The following LINGO1 variants were observed in gnomAD, a reference collection of about 807,000 sequenced individuals.
LINGO1 encodes the protein leucine rich repeat and Ig domain containing 1.
Under a neutral mutation model 37.3 loss-of-function variants are expected in LINGO1, and 11 were observed. The ratio of observed to expected loss-of-function variants is 0.29; its 90% CI spans 0.19 to 0.49. The LOEUF (loss-of-function observed/expected upper bound fraction) is 0.49, where lower values mean the gene tolerates loss of function less well. Among genes scored for constraint, LINGO1 ranks in the 20% least tolerant of loss-of-function variants. The pLI is 0.99. For missense variants in LINGO1, 585 were observed against 878.2 expected (o/e 0.67, Z 4.22); for synonymous variants, 387 against 403.0 (o/e 0.96, Z 0.48).
upstream of LINGO1, among the ~76,000 whole-genome samples, chr15:77,791,571 G>A (rs1323375954): frequency 6.6e-6 from 1 of 152,038 alleles, no homozygotes. Flanking sequence ...GTACAAGCAG[G>A]AGAAGGATTC....
chr15:77,651,248 A>G (rs1247951283), intron 3 of LINGO1: 1 of 152,212 alleles, frequency 6.6e-6, no homozygotes, highest in Non-Finnish European at 1.5e-5. Flanking sequence ...TAAATGAATG[A>G]ATGACAGAAG....
intron 1 of LINGO1, among the ~76,000 whole-genome samples, chr15:77,767,180 GAGAAGGTTCT>G (rs2076538749): frequency 6.6e-6 from 1 of 152,204 alleles, no homozygotes; most frequent in Non-Finnish European, 1.5e-5. Context: ...CAGGGAGAAA[GAGAAGGTTCT>G]AGAAGCTTCC....
Position 77,632,228 on chromosome 15 carries a change from G to A in LINGO1, c.6+82C>T, listed in dbSNP as rs1596016846. 4.7e-6 allele frequency: 6 copies of A among 1,285,728 alleles called. No individual in the cohort carries two copies. The highest frequency in any genetic ancestry group is 4.6e-5 in the South Asian group (2 of 43,252). The allele number at this position is 1,285,728 out of a possible 1,614,324, so 79.6% of individuals were successfully genotyped here. A position where few individuals can be genotyped will look rare whatever the true frequency, so the allele number is the denominator to read the frequency against. ...AGGTGCCCTGCAACCCCAGGAGGGC[G>A]CAGCCAGGGCCGATGGCGGCCCCCA... On this transcript the variant is annotated intron_variant, in intron 1 of 1. Coordinates refer to ENST00000355300, the MANE Select transcript of LINGO1 (RefSeq NM_032808.7). This position sits in a 1 kb window ranked among gnomAD's most constrained non-coding sequence, Gnocchi z 6.0.
chr15:77,664,474 G>A (rs572733057), intron 3 of LINGO1, among the ~76,000 whole-genome samples: 2 of 152,122 alleles, frequency 1.3e-5, no homozygotes, highest in Admixed American at 1.3e-4. Context: ...ATCTCCTTTC[G>A]AGGCAACGTC....
At chr15:77,665,185 G>C (rs1002157836) in intron 3 of LINGO1, among the ~76,000 whole-genome samples, 1 of 152,156 alleles carries the variant, frequency 6.6e-6, no homozygotes, top group Non-Finnish European at 1.5e-5. Context: ...GCTTCCAGAG[G>C]TGACTCCAGA....
intron 1 of LINGO1, among the ~76,000 whole-genome samples, chr15:77,779,482 T>G (rs1376006534): frequency 6.6e-6 from 1 of 152,146 alleles, no homozygotes; most frequent in African/African-American, 2.4e-5. Flanking sequence ...TGAGCTTTTT[T>G]TCCTGCAACT....
At chr15:77,704,970 T>G (rs2075831581) in intron 2 of LINGO1, among the ~76,000 whole-genome samples, 2 of 152,062 alleles carry the variant, frequency 1.3e-5, no homozygotes, top group South Asian at 4.2e-4. Context: ...AGTGTCATGG[T>G]CTAGGCCCTA....
chr15:77,718,939 G>A (rs1321611456), intron 2 of LINGO1, among the ~76,000 whole-genome samples: 3 of 150,760 alleles, frequency 2.0e-5, no homozygotes, highest in African/African-American at 7.2e-5. Context: ...CAGCAAGAGA[G>A]GCTGGGGCTG....
intron 1 of LINGO1, among the ~76,000 whole-genome samples, chr15:77,819,112 G>T (rs1221516756): frequency 6.7e-6 from 1 of 149,968 alleles, no homozygotes; most frequent in Non-Finnish European, 1.5e-5. Flanking sequence ...GCCCCCCACG[G>T]ACGCGCACCC....
At chr15:77,691,967 G>A (rs2075612062) in intron 1 of LINGO1, among the ~76,000 whole-genome samples, 3 of 152,202 alleles carry the variant, frequency 2.0e-5, no homozygotes. Flanking sequence ...TACAGGAGGA[G>A]CGGGTGTTCA....
intron 2 of LINGO1, among the ~76,000 whole-genome samples, chr15:77,715,681 C>A (rs2075975226): frequency 6.6e-6 from 1 of 152,222 alleles, no homozygotes; most frequent in Non-Finnish European, 1.5e-5. Flanking sequence ...TAGCCCAGCC[C>A]CTCCTGCGCT....
At chr15:77,818,940 T>G (rs903423695) in intron 1 of LINGO1, among the ~76,000 whole-genome samples, 39 of 151,346 alleles carry the variant, frequency 2.6e-4, no homozygotes, top group African/African-American at 7.5e-4. Flanking sequence ...AGGCCGGAGT[T>G]GCACCCTCAA....
At chr15:77,725,191 G>A (rs1213702781) in intron 2 of LINGO1, among the ~76,000 whole-genome samples, 4 of 152,238 alleles carry the variant, frequency 2.6e-5, no homozygotes, top group Non-Finnish European at 5.9e-5. Context: ...AGCCCTGAAC[G>A]GGGAATTCAG....
chr15:77,785,686 T>C (rs2076764312), intron 1 of LINGO1, among the ~76,000 whole-genome samples: 1 of 152,100 alleles, frequency 6.6e-6, no homozygotes, highest in African/African-American at 2.4e-5. Flanking sequence ...TGATCTTTGT[T>C]CACACTATTC....
chr15:77,681,406 T>G (rs1784409520), intron 2 of LINGO1, among the ~76,000 whole-genome samples: 1 of 152,086 alleles, frequency 6.6e-6, no homozygotes, highest in Non-Finnish European at 1.5e-5. Context: ...TTGGCTGGGC[T>G]GGGGTCAGCT....
intron 3 of LINGO1, among the ~76,000 whole-genome samples, chr15:77,658,801 A>T (rs1392129019): frequency 6.6e-6 from 1 of 152,200 alleles, no homozygotes; most frequent in Non-Finnish European, 1.5e-5. Context: ...TGAAACCAGC[A>T]ATGTGAAGAT....
chr15:77,640,610 C>T (rs764532183), intron 3 of LINGO1, among the ~76,000 whole-genome samples: 2 of 152,176 alleles, frequency 1.3e-5, no homozygotes, highest in Non-Finnish European at 2.9e-5. Context: ...TGTACCCTCC[C>T]TCCATTCTGA....
At chr15:77,667,255 G>A (rs1370329679) in intron 3 of LINGO1, among the ~76,000 whole-genome samples, 1 of 152,192 alleles carries the variant, frequency 6.6e-6, no homozygotes, top group Non-Finnish European at 1.5e-5. Context: ...TCCCACTGGA[G>A]GAGCAGAGCA....
At chr15:77,780,662 T>C (rs1333333843) in intron 1 of LINGO1, among the ~76,000 whole-genome samples, 1 of 152,090 alleles carries the variant, frequency 6.6e-6, no homozygotes, top group African/African-American at 2.4e-5. Flanking sequence ...AGTGAGACTG[T>C]ATTTGGAGTA....
Sources: allele counts gnomAD v4.1 joint callset (sites outside exome capture counted in the v4.1 genomes callset), GRCh38; gene constraint gnomAD v4.1.1; non-coding constraint Gnocchi (gnomAD v3.1); transcripts MANE v1.5; gene names NCBI Gene and HGNC (gene_info 2026-07-23, HGNC 2026-07-21).